NXN: variants seen among roughly 807,000 people sequenced by gnomAD.
The protein encoded by NXN is nucleoredoxin 1.
A neutral mutation model predicts 48.6 loss-of-function variants in NXN; 16 were observed. That is an observed-to-expected ratio of 0.33 (90% CI 0.22 to 0.50). The LOEUF (loss-of-function observed/expected upper bound fraction) is 0.50. Ranked by LOEUF, NXN falls within the 20% of genes least tolerant of loss-of-function variation. The pLI is 0.98. For synonymous variants in NXN, 281 were observed against 269.6 expected, an observed-to-expected ratio of 1.04 and a Z score of -0.41; for missense variants, 492 against 605.5, an observed-to-expected ratio of 0.81 and a Z score of 1.97.
intron 4 of NXN, among the ~76,000 whole-genome samples, chr17:820,938 A>C (rs1912793228): frequency 1.5e-5 from 1 of 68,602 alleles, no homozygotes; most frequent in South Asian, 4.2e-4. Flanking sequence ...AAAAAAAAAA[A>C]ACAAAAAAAA....
At chr17:863,569 T>C (rs1342968684) in intron 1 of NXN, among the ~76,000 whole-genome samples, 1 of 152,122 alleles carries the variant, frequency 6.6e-6, no homozygotes, top group East Asian at 1.9e-4. Context: ...CAAGCGATCC[T>C]CCTGACTCAG....
intron 1 of NXN, among the ~76,000 whole-genome samples, chr17:900,913 C>CTTT (rs11367844): frequency 1.4e-3 from 106 of 75,710 alleles, no homozygotes; most frequent in Non-Finnish European, 1.7e-3. Flanking sequence ...GATCTGCATT[C>CTTT]TTTTTTTTTT....
At chr17:833,860 A>G (rs1913634481) in intron 1 of NXN, among the ~76,000 whole-genome samples, 1 of 152,102 alleles carries the variant, frequency 6.6e-6, no homozygotes, top group Admixed American at 6.6e-5. Flanking sequence ...AAAACCTAAG[A>G]TGACGTTAAC....
At chr17:875,976 G>C (rs1197711238) in intron 1 of NXN, among the ~76,000 whole-genome samples, 1 of 152,076 alleles carries the variant, frequency 6.6e-6, no homozygotes, top group Non-Finnish European at 1.5e-5. Context: ...GAGGTCAGGA[G>C]ATCAAGACCA....
chr17:925,824 C>A lies in NXN; in HGVS notation c.360+53495G>T, dbSNP rs565257192. On this transcript the variant is annotated intron_variant, in intron 1 of 7. Transcript: ENST00000336868. Reference sequence around the variant, plus strand: ...CAACTGCTAAAATGCTCACGAACGTCCCTGTTCCCCAAGAAGTACATGGTG... The same window carrying A: ...CAACTGCTAAAATGCTCACGAACGTACCTGTTCCCCAAGAAGTACATGGTG... Among the ~76,000 whole-genome samples the A allele has an allele frequency of 2.0e-5, 3 of 152,310 alleles. No individual in the cohort carries two copies. In the South Asian group the frequency reaches 6.2e-4, roughly 32 times the overall value.
At chr17:814,109 A>G (rs1035895934) in intron 5 of NXN, among the ~76,000 whole-genome samples, 4 of 151,616 alleles carry the variant, frequency 2.6e-5, no homozygotes, top group Admixed American at 6.6e-5. Context: ...AAAAATACAA[A>G]AAGTTAGCCA....
At chr17:929,506 C>G (rs764650507) in intron 1 of NXN, among the ~76,000 whole-genome samples, 1 of 152,188 alleles carries the variant, frequency 6.6e-6, no homozygotes, top group African/African-American at 2.4e-5. Flanking sequence ...AGTGTGCCCC[C>G]CTACCCTCTG....
intron 1 of NXN, among the ~76,000 whole-genome samples, chr17:864,983 C>A (rs2068081329): frequency 6.6e-6 from 1 of 152,182 alleles, no homozygotes; most frequent in Non-Finnish European, 1.5e-5. Flanking sequence ...GGCAGTCAGG[C>A]TCCTGGATCT....
intron 1 of NXN, chr17:864,173 C>T (rs1056265095): frequency 3.2e-5 from 37 of 1,140,802 alleles, no homozygotes; most frequent in Admixed American, 8.7e-5. Context: ...TGAAGGGACG[C>T]GTCTGCCGTT....
intron 1 of NXN, among the ~76,000 whole-genome samples, chr17:837,438 G>A (rs1312570687): frequency 1.3e-5 from 2 of 152,256 alleles, no homozygotes; most frequent in African/African-American, 4.8e-5. Flanking sequence ...GCCAAGAGCA[G>A]TGCCTGGGCA....
At chr17:890,632 C>A (rs1034734642) in intron 1 of NXN, among the ~76,000 whole-genome samples, 1 of 152,086 alleles carries the variant, frequency 6.6e-6, no homozygotes, top group Admixed American at 6.6e-5. Flanking sequence ...CCGCCCACCT[C>A]GGCCGCCCAA....
intron 1 of NXN, among the ~76,000 whole-genome samples, chr17:976,028 A>G (rs1261867958): frequency 6.6e-6 from 1 of 152,228 alleles, no homozygotes; most frequent in Non-Finnish European, 1.5e-5. Flanking sequence ...CCATCTAATT[A>G]CAATTTATGC....
At chr17:910,099 T>A (rs1252530499) in intron 1 of NXN, among the ~76,000 whole-genome samples, 1 of 152,234 alleles carries the variant, frequency 6.6e-6, no homozygotes, top group Non-Finnish European at 1.5e-5. Flanking sequence ...ACCTCCTAAA[T>A]CAAACAACCT....
At chr17:939,225 C>T (rs34558909) in intron 1 of NXN, among the ~76,000 whole-genome samples, 38,357 of 151,874 alleles carry the variant, frequency 0.25, 5,168 homozygotes, top group African/African-American at 0.3. Flanking sequence ...GTTATTCCAG[C>T]AAAATCTGGA....
intron 1 of NXN, among the ~76,000 whole-genome samples, chr17:850,111 T>C (rs118079466): frequency 6.6e-6 from 1 of 152,300 alleles, no homozygotes; most frequent in East Asian, 1.9e-4. Context: ...TGGGTCTGTG[T>C]GTGTGCGTGG....
intron 1 of NXN, among the ~76,000 whole-genome samples, chr17:946,135 C>CT (rs1472028567): frequency 1.5e-4 from 23 of 151,810 alleles, no homozygotes; most frequent in Non-Finnish European, 3.1e-4. Context: ...GTTCAGAAGA[C>CT]TATCTCTTTT....
At chr17:915,765 T>C (rs934115075) in intron 1 of NXN, among the ~76,000 whole-genome samples, 3 of 101,010 alleles carry the variant, frequency 3.0e-5, no homozygotes, top group African/African-American at 1.5e-4. Context: ...TGACCACTTA[T>C]GGGGCCAGAG....
intron 1 of NXN, among the ~76,000 whole-genome samples, chr17:888,962 C>CAAAAAA (rs71145786): frequency 9.9e-6 from 1 of 101,434 alleles, no homozygotes; most frequent in African/African-American, 3.3e-5. Flanking sequence ...AACTCCATCT[C>CAAAAAA]AAAAAAAAAA....
chr17:802,451 G>A (rs1424526478), intron 7 of NXN, among the ~76,000 whole-genome samples: 1 of 152,242 alleles, frequency 6.6e-6, no homozygotes, highest in Non-Finnish European at 1.5e-5. Context: ...GAAGGAGACA[G>A]CCCAGGTGAA....
Sources: allele counts gnomAD v4.1 joint callset (sites outside exome capture counted in the v4.1 genomes callset), GRCh38; gene constraint gnomAD v4.1.1; transcripts MANE v1.5; gene names NCBI Gene and HGNC (gene_info 2026-07-23, HGNC 2026-07-21).